The following RNF13 variants were observed in gnomAD, a reference collection of about 807,000 sequenced individuals.
The protein encoded by RNF13 is ring finger protein 13.
Under a neutral mutation model 37.7 loss-of-function variants are expected in RNF13, and 19 were observed. The observed-to-expected ratio is 0.50, with a 90% CI of 0.35 to 0.74. The LOEUF (loss-of-function observed/expected upper bound fraction) is 0.74, where lower values mean the gene tolerates loss of function less well. RNF13 is among the 30% of genes least tolerant of loss of function. The pLI is 0.01. For synonymous variants in RNF13, 144 were observed against 157.8 expected (o/e 0.91, Z 0.65); for missense variants, 375 against 453.0 (o/e 0.83, Z 1.56).
At chr3:149,862,800 A>G (rs1396183643) in intron 3 of RNF13, among the ~76,000 whole-genome samples, 1 of 152,198 alleles carries the variant, frequency 6.6e-6, no homozygotes, top group Non-Finnish European at 1.5e-5. Flanking sequence ...GAGTCTAACA[A>G]TATCCACAAC....
intron 8 of RNF13, among the ~76,000 whole-genome samples, chr3:149,936,120 T>C (rs1315754317): frequency 6.6e-6 from 1 of 152,054 alleles, no homozygotes; most frequent in Non-Finnish European, 1.5e-5. Flanking sequence ...GAATTAGAGC[T>C]CTTTATATGT....
chr3:149,835,573 C>G (rs1330114720), intron 1 of RNF13, among the ~76,000 whole-genome samples: 1 of 151,606 alleles, frequency 6.6e-6, no homozygotes, highest in East Asian at 1.9e-4. Flanking sequence ...GTTTCCAGTT[C>G]TATCTAGGTT....
intron 8 of RNF13, among the ~76,000 whole-genome samples, chr3:149,944,740 T>G (rs1187108348): frequency 6.6e-6 from 1 of 152,244 alleles, no homozygotes; most frequent in African/African-American, 2.4e-5. Flanking sequence ...TTGCAATAAT[T>G]TTCTCCCATT....
chr3:149,880,597 C>T (rs1036976386), intron 4 of RNF13, among the ~76,000 whole-genome samples: 1 of 151,988 alleles, frequency 6.6e-6, no homozygotes, highest in African/African-American at 2.4e-5. Flanking sequence ...TTCAGATTTT[C>T]TTAATGTCAC....
At chr3:149,853,834 C>CTTTTTT (rs1052140782) in intron 3 of RNF13, among the ~76,000 whole-genome samples, 27 of 115,396 alleles carry the variant, frequency 2.3e-4, no homozygotes, top group Non-Finnish European at 4.4e-4. Flanking sequence ...TAAAATTTCT[C>CTTTTTT]TTTTTTTTTT....
intron 8 of RNF13, among the ~76,000 whole-genome samples, chr3:149,922,599 C>T (rs770270268): frequency 6.6e-6 from 1 of 152,254 alleles, no homozygotes; most frequent in South Asian, 2.1e-4. Context: ...TTCTGTCTCC[C>T]ACAATATAAC....
chr3:149,960,601 T>A (rs1278181560), intron 9 of RNF13, 139 bp from the exon 10 acceptor site: 48 of 837,254 alleles, frequency 5.7e-5, no homozygotes, highest in East Asian at 5.7e-4. Flanking sequence ...CAAAAAAAAA[T>A]AAAAATAAAA....
At chr3:149,837,480 AG>A (rs1179587409) in intron 1 of RNF13, among the ~76,000 whole-genome samples, 1 of 152,196 alleles carries the variant, frequency 6.6e-6, no homozygotes. Flanking sequence ...AATTTTCAAA[AG>A]AAAGAGGTTT....
At chr3:149,849,643 C>T (rs1454563533) in intron 2 of RNF13, among the ~76,000 whole-genome samples, 1 of 152,130 alleles carries the variant, frequency 6.6e-6, no homozygotes, top group African/African-American at 2.4e-5. Context: ...CGGTTAGAAT[C>T]CTGGTTCTTC....
intron 1 of RNF13, among the ~76,000 whole-genome samples, chr3:149,828,072 G>A (rs149624399): frequency 6.6e-5 from 10 of 152,086 alleles, no homozygotes; most frequent in African/African-American, 1.9e-4. Flanking sequence ...AACTAAGTGC[G>A]AGTCATTGGA....
At chr3:149,910,888 A>C (rs1231647008) in intron 6 of RNF13, among the ~76,000 whole-genome samples, 3 of 152,194 alleles carry the variant, frequency 2.0e-5, no homozygotes, top group Non-Finnish European at 4.4e-5. Flanking sequence ...AACACAAATG[A>C]TGTGCTTATT....
At chr3:149,873,647 C>G (rs1712344007) in intron 4 of RNF13, among the ~76,000 whole-genome samples, 1 of 152,162 alleles carries the variant, frequency 6.6e-6, no homozygotes, top group South Asian at 2.1e-4. Context: ...ATCTCTGTCT[C>G]CAGTGATCTT....
At chr3:149,918,499 A>G (rs1717778639) in intron 7 of RNF13, among the ~76,000 whole-genome samples, 1 of 151,924 alleles carries the variant, frequency 6.6e-6, no homozygotes, top group Non-Finnish European at 1.5e-5. Flanking sequence ...TTTGCTTAAT[A>G]TTTTCATGGT....
intron 3 of RNF13, among the ~76,000 whole-genome samples, 176 bp from the exon 4 acceptor site, chr3:149,871,852 AT>A (rs2108441709): frequency 6.6e-6 from 1 of 152,320 alleles, no homozygotes; most frequent in East Asian, 1.9e-4. Context: ...AGAAAACTAA[AT>A]GCTTGTGAAA....
At chr3:149,852,748 T>C (rs1723227143) in intron 3 of RNF13, 152 bp downstream of exon 3, 1 of 424,470 alleles carries the variant, frequency 2.4e-6, no homozygotes, top group African/African-American at 2.1e-5. Context: ...ATTCAAAAGA[T>C]ATCAGAAAGA....
In RNF13 at chr3:149,876,551, A is replaced by G. The variant is rs541044194; in HGVS notation, c.321+4397A>G. Among the ~76,000 whole-genome samples the G allele has an allele frequency of 3.3e-5, 5 of 152,110 alleles. No individual in the cohort carries two copies. The East Asian group carries it at 5.8e-4, about 18-fold the overall frequency. On this transcript the variant is annotated intron_variant, in intron 4 of 9. Coordinates refer to ENST00000392894, the MANE Select transcript of RNF13 (RefSeq NM_183381.3). ...GACTTCTGCCTCTCTCTCAAGTCTCATCTCTACTTTGCCACTCCTCCCACC... is the reference window on the plus strand; with the variant it reads ...GACTTCTGCCTCTCTCTCAAGTCTCGTCTCTACTTTGCCACTCCTCCCACC...
rs149062265 is a variant in RNF13, at chr3:149,918,465, ATTGC to A, written c.607-2665_607-2662del. 9.2e-5 allele frequency among the ~76,000 whole-genome samples: 14 copies of A among 152,174 alleles called. No homozygotes were observed. In the East Asian group the frequency reaches 2.3e-3, roughly 25 times the overall value. ...AATGATGCTTTTTGCCTTAAATTCT[ATTGC>A]TTGATATTCTAGCTTTTCTTTTGCT... On this transcript the variant is annotated intron_variant, in intron 7 of 9. Transcript: ENST00000392894.
chr3:149,933,741 G>A (rs986271816), intron 8 of RNF13, among the ~76,000 whole-genome samples: 9 of 151,664 alleles, frequency 5.9e-5, no homozygotes, highest in African/African-American at 1.9e-4. Flanking sequence ...CCACGACCAC[G>A]CCTGGCTAAT....
chr3:149,865,842 C>T (rs1210374961), intron 3 of RNF13, among the ~76,000 whole-genome samples: 1 of 151,888 alleles, frequency 6.6e-6, no homozygotes, highest in African/African-American at 2.4e-5. Context: ...CGATCTAGAC[C>T]CCAAGAGAGA....
Sources: allele counts gnomAD v4.1 joint callset (sites outside exome capture counted in the v4.1 genomes callset), GRCh38; gene constraint gnomAD v4.1.1; transcripts MANE v1.5; gene names NCBI Gene and HGNC (gene_info 2026-07-23, HGNC 2026-07-21).